The following SSR1 variants were observed in gnomAD, a reference collection of about 807,000 sequenced individuals.
SSR1 encodes the protein signal sequence receptor subunit 1.
SSR1 carries 13 observed loss-of-function variants against 36.1 expected under a neutral mutation model. The ratio of observed to expected loss-of-function variants is 0.36; its 90% CI spans 0.23 to 0.57. The LOEUF is 0.57. Ranked by LOEUF, SSR1 falls within the 20% of genes least tolerant of loss-of-function variation. The pLI, the probability that SSR1 is intolerant of heterozygous loss-of-function variation, is 0.81. For missense variants in SSR1, 291 were observed against 338.5 expected, an observed-to-expected ratio of 0.86 and a Z score of 1.10; for synonymous variants, 113 against 118.9, an observed-to-expected ratio of 0.95 and a Z score of 0.32.
Position 7,310,010 on chromosome 6 carries a change from T to C in SSR1, c.99A>G (p.Gln33=), listed in dbSNP as rs182969858. The C allele has an allele frequency of 9.7e-5, 156 of 1,613,318 alleles. 1 individual carries two copies. The East Asian group carries it at 3.4e-3, about 35-fold the overall frequency. The change falls in exon 2 of 8, where the codon CAA becomes CAG. Residue 33 remains glutamine (Q), a synonymous_variant. Transcript: ENST00000244763. ...GGPRGLLAVA[Q]DLTEDEETVE... is the part of the protein sequence containing the mutation. ...CTGTTTCTTCATCCTCTGTAAGATC[T>C]TGTGCCACTGCTAACAAGCCTAATG...
Position 7,286,305 on chromosome 6 carries a change from T to C in SSR1, c.*3559A>G, listed in dbSNP as rs368877665. 5.9e-5 allele frequency: 9 copies of C among 152,320 alleles called. No individual in the cohort carries two copies. The East Asian group carries it at 1.3e-3, about 23-fold the overall frequency. 9.4% of individuals were successfully genotyped at this position (152,320 alleles called of 1,614,324 possible). On this transcript the variant is annotated 3_prime_UTR_variant, in exon 8 of 8. Transcript: ENST00000244763. The stretch of plus-strand genomic sequence containing the variant: ...ATAATTAACATAAAAGCCCAGGTTT[T>C]TGTATAAATGAAAAGGGATAAAAAT...
chr6:7,302,416 G>A (rs1757956433), intron 3 of SSR1, among the ~76,000 whole-genome samples: 1 of 152,124 alleles, frequency 6.6e-6, no homozygotes, highest in South Asian at 2.1e-4. Context: ...TACATGCCAA[G>A]TATTGAGAAT....
chr6:7,307,496 A>G (rs1362872555), intron 2 of SSR1, among the ~76,000 whole-genome samples: 1 of 152,236 alleles, frequency 6.6e-6, no homozygotes, highest in East Asian at 1.9e-4. Flanking sequence ...ACACAAGGCT[A>G]TCAAGGATCT....
intron 5 of SSR1, 64 bp from the exon 6 acceptor site, chr6:7,298,065 A>G (rs1428869816): frequency 7.4e-6 from 9 of 1,209,300 alleles, no homozygotes; most frequent in African/African-American, 1.5e-5. Context: ...TCTAATTACA[A>G]CTATAATTAT....
In SSR1 at chr6:7,289,373, A is replaced by C. The variant is rs1366265868; in HGVS notation, c.*491T>G. On this transcript the variant is annotated 3_prime_UTR_variant, in exon 8 of 8. Coordinates refer to ENST00000244763, the MANE Select transcript of SSR1 (RefSeq NM_003144.5). ...CTTCTGCTTCTGCCTTTAGAATACT[A>C]ATTGTAATACAGTAACAACAACAAA... 1 of 153,410 alleles carries C rather than the reference A, an allele frequency of 6.5e-6. No individual in the cohort carries two copies. The highest frequency in any genetic ancestry group is 1.5e-5 in the Non-Finnish European group (1 of 68,724). The allele number at this position is 153,410 out of a possible 1,614,324, so 9.5% of individuals were successfully genotyped here.
At chr6:7,307,419 T>G (rs1452629838) in intron 2 of SSR1, among the ~76,000 whole-genome samples, 1 of 152,184 alleles carries the variant, frequency 6.6e-6, no homozygotes, top group Admixed American at 6.5e-5. Flanking sequence ...ATAATCAGAG[T>G]TGTTCTTTTT....
chr6:7,310,386 C>T (rs1189017508), intron 1 of SSR1, among the ~76,000 whole-genome samples: 1 of 152,072 alleles, frequency 6.6e-6, no homozygotes, highest in Non-Finnish European at 1.5e-5. Flanking sequence ...AACCACTGTT[C>T]CCTGCCTTCC....
At chr6:7,312,819 C>A (rs1758236901) in intron 1 of SSR1, among the ~76,000 whole-genome samples, 1 of 152,222 alleles carries the variant, frequency 6.6e-6, no homozygotes, top group South Asian at 2.1e-4. Context: ...GTCGCCCGGG[C>A]ACGGCCCCGC....
intron 2 of SSR1, among the ~76,000 whole-genome samples, chr6:7,306,135 AT>A (rs899201357): frequency 3.3e-5 from 5 of 150,212 alleles, no homozygotes; most frequent in Non-Finnish European, 7.4e-5. Context: ...TTAAATAACT[AT>A]TTTTTTTTTG....
chr6:7,311,489 G>T (rs1003386498), intron 1 of SSR1, among the ~76,000 whole-genome samples: 12 of 152,148 alleles, frequency 7.9e-5, no homozygotes, highest in Non-Finnish European at 1.3e-4. Flanking sequence ...AAATATTAAA[G>T]AACACTGAAC....
At position 7,282,728 on chromosome 6, in the gene SSR1, T is replaced by A. The variant is rs996192957; in HGVS notation, c.*7136A>T. On this transcript the variant is annotated 3_prime_UTR_variant, in exon 8 of 8. Transcript: ENST00000244763. ...TAGAGTGACCTTTTGGCCACTGCTG[T>A]GTCTGCAGGCTCAGCCTCCTCTAGA... The A allele has an allele frequency of 2.0e-5, 3 of 152,266 alleles. No individual in the cohort carries two copies. Among genetic ancestry groups the A allele is most frequent in the African/African-American group, 7.2e-5 (3 of 41,464 alleles). 9.4% of individuals were successfully genotyped at this position (152,266 alleles called of 1,614,324 possible). A position where few individuals can be genotyped will look rare whatever the true frequency, so the allele number is the denominator to read the frequency against.
chr6:7,298,857 A>G (rs1349658030), intron 4 of SSR1, 34 bp from the exon 5 acceptor site: 2 of 1,540,014 alleles, frequency 1.3e-6, no homozygotes, highest in Admixed American at 1.7e-5. Context: ...AGAAAAATCT[A>G]AATGCAATAA....
Position 7,301,136 on chromosome 6 carries a change from C to T in SSR1, c.543+174G>A, listed in dbSNP as rs572576142. 2.0e-5 allele frequency among the ~76,000 whole-genome samples: 3 copies of T among 152,228 alleles called. No individual in the cohort carries two copies. The South Asian group carries it at 6.2e-4, about 32-fold the overall frequency. ...TCTAGTGCCTGTTTTCATATGCCTC[C>T]CCCACTGGATTAGACTTGAAGAAGA... On this transcript the variant is annotated intron_variant, in intron 4 of 7. Transcript: ENST00000244763.
chr6:7,299,592 G>A (rs1031115184), intron 4 of SSR1, among the ~76,000 whole-genome samples: 4 of 151,960 alleles, frequency 2.6e-5, no homozygotes, highest in African/African-American at 9.7e-5. Flanking sequence ...CAGCTACTCA[G>A]GTGGCTGAGG....
At chr6:7,309,095 C>G (rs1180580911) in intron 2 of SSR1, among the ~76,000 whole-genome samples, 2 of 152,196 alleles carry the variant, frequency 1.3e-5, no homozygotes. Context: ...CCTATTCTCC[C>G]AACTTCAATT....
Position 7,283,894 on chromosome 6 carries a change from G to A in SSR1, c.*5970C>T, listed in dbSNP as rs961315322. 1 of 152,248 alleles carries A rather than the reference G, an allele frequency of 6.6e-6. No homozygotes were observed. The highest frequency in any genetic ancestry group is 2.4e-5 in the African/African-American group (1 of 41,452). 9.4% of individuals were successfully genotyped at this position (152,248 alleles called of 1,614,324 possible). On this transcript the variant is annotated 3_prime_UTR_variant, in exon 8 of 8. Transcript: ENST00000244763. Reference sequence around the variant, plus strand: ...TGGCAACAGACCAAACGTGAGGAGTGAGTGCCTCTGTGCTCCTTGAGGCTG... The same window carrying A: ...TGGCAACAGACCAAACGTGAGGAGTAAGTGCCTCTGTGCTCCTTGAGGCTG...
chr6:7,300,223 C>T (rs1408881400), intron 4 of SSR1, among the ~76,000 whole-genome samples: 1 of 152,086 alleles, frequency 6.6e-6, no homozygotes, highest in Non-Finnish European at 1.5e-5. Flanking sequence ...TTAACTCAGA[C>T]ACAAGGTAAA....
chr6:7,303,365 T>TA (rs1401686373), intron 3 of SSR1, among the ~76,000 whole-genome samples, 185 bp downstream of exon 3: 1 of 152,082 alleles, frequency 6.6e-6, no homozygotes, highest in Non-Finnish European at 1.5e-5. Flanking sequence ...AATTTCTAGT[T>TA]AAACTAGGTA....
intron 3 of SSR1, among the ~76,000 whole-genome samples, chr6:7,302,404 A>G (rs1235894872): frequency 6.6e-6 from 1 of 152,224 alleles, no homozygotes; most frequent in African/African-American, 2.4e-5. Context: ...AGAACTAAAT[A>G]ATACATGCCA....
Sources: allele counts gnomAD v4.1 joint callset (sites outside exome capture counted in the v4.1 genomes callset), GRCh38; gene constraint gnomAD v4.1.1; transcripts MANE v1.5; gene names NCBI Gene and HGNC (gene_info 2026-07-23, HGNC 2026-07-21).